The following PARVB variants were observed in gnomAD, a reference collection of about 807,000 sequenced individuals.
The protein encoded by PARVB is parvin beta.
In PARVB, 46 loss-of-function variants were observed where a neutral mutation model predicts 47.0. That is an observed-to-expected ratio of 0.98 (90% CI 0.77 to 1.25). The LOEUF (loss-of-function observed/expected upper bound fraction) is 1.25. PARVB is among the 50% of genes most tolerant of loss of function. The pLI is 0.00. For synonymous variants in PARVB, 196 were observed against 196.3 expected, an observed-to-expected ratio of 1.00 and a Z score of 0.01; for missense variants, 473 against 471.6, an observed-to-expected ratio of 1.00 and a Z score of -0.03.
At chr22:44,116,135 G>C (rs542371168) in intron 3 of PARVB, 1 of 152,478 alleles carries the variant, frequency 6.6e-6, no homozygotes, top group East Asian at 1.9e-4. Context: ...CAGTTTCTCA[G>C]ACTTTCCTTG....
upstream of PARVB, among the ~76,000 whole-genome samples, chr22:44,023,543 AAAATAAAAT>A (rs1285490740): frequency 8.4e-5 from 2 of 23,702 alleles, no homozygotes; most frequent in African/African-American, 2.4e-4. Context: ...AAAACAAAAT[AAAATAAAAT>A]AAAATAAAAT....
At chr22:44,091,920 C>T (rs2052177455) in intron 1 of PARVB, among the ~76,000 whole-genome samples, 1 of 152,166 alleles carries the variant, frequency 6.6e-6, no homozygotes, top group African/African-American at 2.4e-5. Flanking sequence ...GCCCCGCTGC[C>T]ATTGTCCTTA....
At chr22:44,002,410 C>T (rs937736530) in intron 2 of PARVB, among the ~76,000 whole-genome samples, 6 of 152,304 alleles carry the variant, frequency 3.9e-5, no homozygotes, top group Admixed American at 1.3e-4. Flanking sequence ...ACCTCCCTGC[C>T]GCAGATCCTT....
At chr22:44,159,589 G>T (rs1487466961) in intron 11 of PARVB, among the ~76,000 whole-genome samples, 2 of 152,212 alleles carry the variant, frequency 1.3e-5, no homozygotes, top group East Asian at 1.9e-4. Flanking sequence ...TCTGCGGGTG[G>T]CTGGAACACT....
chr22:44,063,373 T>C (rs1175329133), intron 1 of PARVB, among the ~76,000 whole-genome samples: 5 of 151,988 alleles, frequency 3.3e-5, no homozygotes, highest in Non-Finnish European at 5.9e-5. Context: ...ACTACAGGTG[T>C]GCACCATCAT....
At chr22:44,060,213 G>T (rs1341551790) in intron 1 of PARVB, among the ~76,000 whole-genome samples, 2 of 152,116 alleles carry the variant, frequency 1.3e-5, no homozygotes, top group Non-Finnish European at 2.9e-5. Context: ...CTACTTGGGA[G>T]GCTGAGGCAG....
chr22:44,079,355 C>T (rs1228935447), intron 1 of PARVB, among the ~76,000 whole-genome samples: 1 of 152,160 alleles, frequency 6.6e-6, no homozygotes, highest in Non-Finnish European at 1.5e-5. Flanking sequence ...ATTGGAGGGA[C>T]AGTAGCAGGA....
chr22:44,010,494 A>G (rs1167538386), intron 2 of PARVB: 1 of 152,188 alleles, frequency 6.6e-6, no homozygotes, highest in Non-Finnish European at 1.5e-5. Context: ...TTGTGCAGAA[A>G]CTTTCATGGA....
intron 10 of PARVB, chr22:44,153,734 G>A (rs896894511): frequency 2.6e-5 from 4 of 152,156 alleles, no homozygotes; most frequent in African/African-American, 9.7e-5. Flanking sequence ...AAGAGAAAGT[G>A]TGTGTGTGTG....
rs111362553 is a variant in PARVB, at chr22:44,154,534, G to GGTGTGT, written c.843+3001_843+3006dup. ...TGTGTGTGGTTTATGTAGTCTGGTG[G>GGTGTGT]GTGTGTGTGTGTGTGTGTGTGTGGT... On this transcript the variant is annotated intron_variant, in intron 10 of 12. Coordinates refer to ENST00000338758, the MANE Select transcript of PARVB (RefSeq NM_013327.5). Among the ~76,000 whole-genome samples, 395 of 145,002 alleles carry GGTGTGT rather than the reference G, an allele frequency of 2.7e-3. 7 individuals are homozygous for GGTGTGT. The East Asian group carries it at 0.03, about 11-fold the overall frequency.
rs764503216 is a variant in PARVB, at chr22:44,155,862, G to A, written c.844-2120G>A. 3.9e-5 allele frequency among the ~76,000 whole-genome samples: 6 copies of A among 152,274 alleles called. No homozygotes were observed. The highest frequency in any genetic ancestry group is 6.5e-5 in the Admixed American group (1 of 15,304). Reference sequence around the variant, plus strand: ...TGCCATTTGCCCATCAACTGACAGCGTGTTGAATTTCCAGGCGCAGTGGCT... The same window carrying A: ...TGCCATTTGCCCATCAACTGACAGCATGTTGAATTTCCAGGCGCAGTGGCT... On this transcript the variant is annotated intron_variant, in intron 10 of 12. Transcript: ENST00000338758. This position sits in a 1 kb window ranked among gnomAD's most constrained non-coding sequence, Gnocchi z 4.8.
At chr22:44,118,323 T>G (rs1382056655) in intron 3 of PARVB, among the ~76,000 whole-genome samples, 1 of 152,144 alleles carries the variant, frequency 6.6e-6, no homozygotes, top group Non-Finnish European at 1.5e-5. Context: ...CATCATCGGC[T>G]CCTATTAATA....
In PARVB at chr22:44,060,085, C is replaced by A. The variant is rs142788128; in HGVS notation, c.113-33843C>A. Reference sequence around the variant, plus strand: ...ATCCTAGCACTTTGGAAGGCCAAGGCAGGTGGATCACCTGAGGTCAGGAGT... The same window carrying A: ...ATCCTAGCACTTTGGAAGGCCAAGGAAGGTGGATCACCTGAGGTCAGGAGT... On this transcript the variant is annotated intron_variant, in intron 1 of 12. Transcript: ENST00000338758. Among the ~76,000 whole-genome samples the A allele has an allele frequency of 3.9e-4, 59 of 152,254 alleles. No individual in the cohort carries two copies. The East Asian group carries it at 0.011, about 29-fold the overall frequency.
chr22:44,033,041 G>C (rs1474732836), intron 1 of PARVB, among the ~76,000 whole-genome samples: 1 of 152,138 alleles, frequency 6.6e-6, no homozygotes, highest in Non-Finnish European at 1.5e-5. Context: ...GAGAATGTTG[G>C]TATCTTAACT....
chr22:44,102,069 A>G (rs574858208), intron 3 of PARVB, among the ~76,000 whole-genome samples: 1 of 152,308 alleles, frequency 6.6e-6, no homozygotes, highest in East Asian at 1.9e-4. Context: ...AAGTCCCCCG[A>G]CCTGCCATCT....
intron 2 of PARVB, among the ~76,000 whole-genome samples, chr22:44,017,144 G>A (rs2050592119): frequency 6.6e-6 from 1 of 152,112 alleles, no homozygotes; most frequent in Admixed American, 6.6e-5. Flanking sequence ...CAAAGTGCTG[G>A]GATTACAAGT....
At chr22:44,151,915 A>T (rs1159746863) in intron 10 of PARVB, 1 of 253,618 alleles carries the variant, frequency 3.9e-6, no homozygotes, top group African/African-American at 2.2e-5. Flanking sequence ...GATCTTTAGC[A>T]TTCCTTGGCT....
Position 44,010,931 on chromosome 22 carries a change from G to A in PARVB, c.211+11258G>A, listed in dbSNP as rs372408764. 1.9e-4 allele frequency among the ~76,000 whole-genome samples: 25 copies of A among 134,154 alleles called. No individual in the cohort carries two copies. In the South Asian group the frequency reaches 4.6e-3, roughly 25 times the overall value. 88.0% of individuals were successfully genotyped at this position (134,154 alleles called of 152,430 possible). A position where few individuals can be genotyped will look rare whatever the true frequency, so the allele number is the denominator to read the frequency against. On this transcript the variant is annotated intron_variant, in intron 2 of 13. Coordinates refer to the PARVB transcript ENST00000406477. Reference sequence around the variant, plus strand: ...TTTTGAGATGGAGTCTCGCTCTGTCGCCCAGGCTAGAGTGCAGTGGCGCAA... The same window carrying A: ...TTTTGAGATGGAGTCTCGCTCTGTCACCCAGGCTAGAGTGCAGTGGCGCAA...
Position 44,089,125 on chromosome 22 carries a change from A to G in PARVB, c.113-4803A>G, listed in dbSNP as rs147385868. The stretch of plus-strand genomic sequence containing the variant: ...CAGTGTGCCAAGGGGCCCTCCTCCT[A>G]TCAAATGCCCTCCTGTCTCTCTCTT... On this transcript the variant is annotated intron_variant, in intron 1 of 12. Coordinates refer to ENST00000338758, the MANE Select transcript of PARVB (RefSeq NM_013327.5). This position sits in a 1 kb window ranked among gnomAD's most constrained non-coding sequence, Gnocchi z 4.0. 6.1e-3 allele frequency among the ~76,000 whole-genome samples: 935 copies of G among 152,150 alleles called. 9 individuals carry two copies. Among genetic ancestry groups the G allele is most frequent in the African/African-American group, 0.022 (906 of 41,498 alleles).
Sources: gnomAD v4.1 joint callset for allele counts (sites outside exome capture counted in the v4.1 genomes callset) on GRCh38, gnomAD v4.1.1 for gene constraint, Gnocchi (gnomAD v3.1) non-coding constraint, MANE v1.5 for transcripts, NCBI Gene and HGNC (gene_info 2026-07-23, HGNC 2026-07-21) for gene names.